The following ITPR2 variants were observed in gnomAD, a reference collection of about 807,000 sequenced individuals.
The protein encoded by ITPR2 is inositol 1,4,5-trisphosphate receptor type 2.
ITPR2 carries 207 observed loss-of-function variants against 317.1 expected under a neutral mutation model. That is an observed-to-expected ratio of 0.65 (90% CI 0.58 to 0.73). The LOEUF (loss-of-function observed/expected upper bound fraction) is 0.73. ITPR2 is among the 30% of genes least tolerant of loss of function. The probability of loss-of-function intolerance (pLI) is 0.00; values close to 1 mark genes in which losing one functional copy is unlikely to be tolerated. For synonymous variants in ITPR2, 1,156 were observed against 1,149.1 expected (o/e 1.01, Z -0.12); for missense variants, 2,613 against 3,284.0 (o/e 0.80, Z 4.99).
rs777515564 is a variant in ITPR2, at chr12:26,663,799, G to A, written c.1599C>T (p.Gly533=). The A allele has an allele frequency of 6.8e-6, 11 of 1,613,502 alleles. No individual in the cohort carries two copies. In the South Asian group the frequency reaches 1.1e-4, roughly 16 times the overall value. The stretch of plus-strand genomic sequence containing the variant: ...CCAGATCTTCAAGTCTCAGCATCGA[G>A]CCTTCTCCTGCTTTCTCTTTAAAGG... The part of the protein sequence containing the change: ...KAPFKEKAGE[G]SMLRLEDLGD... The change falls in exon 15 of 57, where the codon GGC becomes GGT. Residue 533 remains glycine, a synonymous_variant. Coordinates refer to ENST00000381340, the MANE Select transcript of ITPR2 (RefSeq NM_002223.4).
At chr12:26,386,771 T>G (rs1479014079) in intron 55 of ITPR2, among the ~76,000 whole-genome samples, 1 of 152,232 alleles carries the variant, frequency 6.6e-6, no homozygotes, top group Non-Finnish European at 1.5e-5. Flanking sequence ...ACATATACAC[T>G]GAAGTTGTAA....
intron 2 of ITPR2, among the ~76,000 whole-genome samples, chr12:26,756,909 A>G (rs1385161493): frequency 6.6e-6 from 1 of 152,224 alleles, no homozygotes; most frequent in East Asian, 1.9e-4. Context: ...AGGATGAGAT[A>G]GGAGGTCAGC....
In ITPR2 at chr12:26,597,003, C is replaced by G. The variant is rs759162814; in HGVS notation, c.4134G>C (p.Leu1378=). 2.5e-6 allele frequency: 4 copies of G among 1,613,764 alleles called. No homozygotes were observed. Among genetic ancestry groups the G allele is most frequent in the Middle Eastern group, 1.6e-4 (1 of 6,078 alleles). ...ESGPLAYHIT[L]VELLAACTEG... ...CTGTGCATGCTGCCAGCAACTCCAC[C>G]AGGGTGATGTGGTAGGCTAAGGGGC... The change falls in exon 31 of 57, where the codon CTG becomes CTC. Residue 1378 remains leucine, a synonymous_variant. Coordinates refer to ENST00000381340, the MANE Select transcript of ITPR2 (RefSeq NM_002223.4).
chr12:26,350,662 C>T (rs1263981284), intron 55 of ITPR2, among the ~76,000 whole-genome samples: 1 of 152,010 alleles, frequency 6.6e-6, no homozygotes, highest in Non-Finnish European at 1.5e-5. Flanking sequence ...GGGTCTCACC[C>T]CCCAGACAAC....
intron 32 of ITPR2, among the ~76,000 whole-genome samples, chr12:26,581,523 G>C (rs1945404388): frequency 1.3e-5 from 2 of 152,114 alleles, no homozygotes; most frequent in African/African-American, 4.8e-5. Flanking sequence ...CATATAACAT[G>C]GTGCCTGGCA....
intron 50 of ITPR2, among the ~76,000 whole-genome samples, chr12:26,416,098 G>GA (rs1940712681): frequency 6.6e-6 from 1 of 151,882 alleles, no homozygotes; most frequent in Non-Finnish European, 1.5e-5. Flanking sequence ...GTATAATGAG[G>GA]AAAAAAACCT....
intron 2 of ITPR2, among the ~76,000 whole-genome samples, chr12:26,727,865 A>G (rs1443629280): frequency 6.6e-6 from 1 of 152,184 alleles, no homozygotes; most frequent in South Asian, 2.1e-4. Flanking sequence ...AAACACAGCC[A>G]AATTTTAAAG....
chr12:26,445,708 C>T (rs1049384082), intron 45 of ITPR2, among the ~76,000 whole-genome samples: 3 of 151,880 alleles, frequency 2.0e-5, no homozygotes, highest in Non-Finnish European at 2.9e-5. Flanking sequence ...GTGGTGGATA[C>T]CAAAGCTTAA....
chr12:26,608,369 A>G (rs1216692498), intron 26 of ITPR2, among the ~76,000 whole-genome samples: 1 of 152,260 alleles, frequency 6.6e-6, no homozygotes, highest in Non-Finnish European at 1.5e-5. Context: ...TCATAAGAAC[A>G]CATCAGGAAC....
chr12:26,557,354 G>A (rs551581866), intron 35 of ITPR2, among the ~76,000 whole-genome samples: 11 of 152,264 alleles, frequency 7.2e-5, no homozygotes, highest in African/African-American at 2.6e-4. Flanking sequence ...TCAGCTTAGG[G>A]TCAAGATTGA....
intron 37 of ITPR2, among the ~76,000 whole-genome samples, chr12:26,517,058 T>C (rs891675726): frequency 1.3e-5 from 2 of 152,052 alleles, no homozygotes; most frequent in Non-Finnish European, 2.9e-5. Flanking sequence ...GTAAGAAAAC[T>C]AGGAACTAGT....
chr12:26,394,344 T>C (rs3782290), intron 54 of ITPR2, among the ~76,000 whole-genome samples: 41,560 of 152,146 alleles, frequency 0.27, 6,545 homozygotes, highest in East Asian at 0.46. Flanking sequence ...TGTACAGTGC[T>C]ATATAGCTAA....
At chr12:26,634,874 G>A (rs1429893446) in intron 21 of ITPR2, among the ~76,000 whole-genome samples, 2 of 85,846 alleles carry the variant, frequency 2.3e-5, no homozygotes, top group African/African-American at 4.8e-5. Context: ...AACAGAGCAA[G>A]ACTTCATCTC....
Position 26,439,176 on chromosome 12 carries a change from C to A in ITPR2, c.6594G>T (p.Gln2198His), listed in dbSNP as rs766527584. ...EQGSKVNDFF[Q>H]QTEDLYNEMK... ...TTTCATTGTAGAGATCTTCTGTTTG[C>A]TGGAAAAAGTCATTCACTTTACTTC... Residue 2198 changes from glutamine to histidine, a missense_variant, in exon 47 of 57, where the codon CAG becomes CAT. Coordinates refer to ENST00000381340, the MANE Select transcript of ITPR2 (RefSeq NM_002223.4). 12 of 1,611,824 alleles carry A rather than the reference C, an allele frequency of 7.4e-6. No individual in the cohort carries two copies. The Admixed American group carries it at 2.0e-4, about 27-fold the overall frequency.
chr12:26,644,208 C>A (rs1242523227), intron 21 of ITPR2, among the ~76,000 whole-genome samples: 1 of 152,168 alleles, frequency 6.6e-6, no homozygotes, highest in Admixed American at 6.5e-5. Context: ...TTCACTTTCC[C>A]ATACCCTGTG....
intron 34 of ITPR2, among the ~76,000 whole-genome samples, chr12:26,576,708 G>C (rs1945287024): frequency 6.6e-6 from 1 of 152,196 alleles, no homozygotes; most frequent in Admixed American, 6.5e-5. Flanking sequence ...CCATGCAAAG[G>C]AGTGGCCCAG....
intron 45 of ITPR2, among the ~76,000 whole-genome samples, chr12:26,473,441 A>G (rs1329750086): frequency 6.6e-6 from 1 of 152,162 alleles, no homozygotes; most frequent in Non-Finnish European, 1.5e-5. Context: ...GGTTTTACTC[A>G]TGCAGCTGCT....
intron 1 of ITPR2, among the ~76,000 whole-genome samples, chr12:26,795,941 G>A (rs1208887963): frequency 2.1e-5 from 3 of 142,004 alleles, no homozygotes; most frequent in South Asian, 2.4e-4. Flanking sequence ...CCCAGATCAC[G>A]CCACTGCACC....
intron 2 of ITPR2, among the ~76,000 whole-genome samples, chr12:26,765,317 GAT>G (rs897649660): frequency 1.3e-5 from 2 of 152,046 alleles, no homozygotes; most frequent in African/African-American, 4.8e-5. Flanking sequence ...AGTAAATGGA[GAT>G]ACAATTTTGT....
Sources: allele counts gnomAD v4.1 joint callset (sites outside exome capture counted in the v4.1 genomes callset), GRCh38; gene constraint gnomAD v4.1.1; transcripts MANE v1.5; gene names NCBI Gene and HGNC (gene_info 2026-07-23, HGNC 2026-07-21).